FAM135B: variants seen among roughly 807,000 people sequenced by gnomAD.
The protein encoded by FAM135B is protein FAM135B.
In FAM135B, 43 loss-of-function variants were observed where a neutral mutation model predicts 127.7. That is an observed-to-expected ratio of 0.34 (90% CI 0.26 to 0.43). The LOEUF is 0.43. Among genes scored for constraint, FAM135B ranks in the 20% least tolerant of loss-of-function variants. FAM135B has a pLI of 1.00. For missense variants in FAM135B, 1,558 were observed against 1,725.6 expected (o/e 0.90, Z 1.72); for synonymous variants, 670 against 665.1 (o/e 1.01, Z -0.11).
chr8:138,204,777 GGATAAACACT>G (rs1465228261), intron 7 of FAM135B, among the ~76,000 whole-genome samples: 2 of 151,960 alleles, frequency 1.3e-5, no homozygotes, highest in Non-Finnish European at 2.9e-5. Context: ...ACTTTGCCTG[GGATAAACACT>G]GATAACTTTT....
chr8:138,266,629 A>G (rs906857057), intron 3 of FAM135B, among the ~76,000 whole-genome samples: 22 of 148,614 alleles, frequency 1.5e-4, no homozygotes, highest in African/African-American at 5.4e-4. Context: ...ATATATGTGT[A>G]TATATATACG....
At chr8:138,270,831 A>G (rs1020677528) in intron 3 of FAM135B, among the ~76,000 whole-genome samples, 1 of 152,210 alleles carries the variant, frequency 6.6e-6, no homozygotes, top group Non-Finnish European at 1.5e-5. Context: ...TTTGGAGGGG[A>G]CAAACGTTTA....
intron 1 of FAM135B, among the ~76,000 whole-genome samples, chr8:138,413,715 G>A (rs1374830733): frequency 6.6e-6 from 1 of 151,888 alleles, no homozygotes; most frequent in African/African-American, 2.4e-5. Context: ...TGTGTTGAAA[G>A]TTAGGGTGAC....
intron 1 of FAM135B, among the ~76,000 whole-genome samples, chr8:138,382,388 T>A (rs1831911943): frequency 6.6e-6 from 1 of 152,050 alleles, no homozygotes. Context: ...CCTCCAGGGG[T>A]GTGAACCTCA....
intron 11 of FAM135B, among the ~76,000 whole-genome samples, chr8:138,174,600 T>C (rs1469600782): frequency 6.6e-6 from 1 of 152,234 alleles, no homozygotes; most frequent in Non-Finnish European, 1.5e-5. Flanking sequence ...ATCTCGCTTA[T>C]CTTAGTCTAT....
chr8:138,228,209 A>T (rs2130164116), intron 7 of FAM135B, among the ~76,000 whole-genome samples: 1 of 152,248 alleles, frequency 6.6e-6, no homozygotes, highest in Non-Finnish European at 1.5e-5. Context: ...GACCATTCCA[A>T]GAGACCTCAG....
At chr8:138,353,832 C>T (rs1249401808) in intron 2 of FAM135B, among the ~76,000 whole-genome samples, 5 of 152,110 alleles carry the variant, frequency 3.3e-5, no homozygotes, top group Admixed American at 6.6e-5. Context: ...AGCTCAATTA[C>T]GGTTATGAGC....
At chr8:138,369,450 C>T (rs1830977190) in intron 1 of FAM135B, among the ~76,000 whole-genome samples, 1 of 152,218 alleles carries the variant, frequency 6.6e-6, no homozygotes, top group South Asian at 2.1e-4. Context: ...TGGGCCTTAA[C>T]TGCATCTCAG....
chr8:138,240,145 A>AAAAAG (rs527380855), intron 7 of FAM135B, among the ~76,000 whole-genome samples: 13 of 152,322 alleles, frequency 8.5e-5, no homozygotes, highest in Admixed American at 3.3e-4. Flanking sequence ...CTTAAAGTAT[A>AAAAAG]AAAAGAAAAG....
At chr8:138,423,174 A>G (rs1834623343) in intron 1 of FAM135B, among the ~76,000 whole-genome samples, 1 of 152,214 alleles carries the variant, frequency 6.6e-6, no homozygotes, top group Admixed American at 6.5e-5. Context: ...TACTATGCTC[A>G]GTATCTGAGT....
intron 7 of FAM135B, among the ~76,000 whole-genome samples, chr8:138,210,665 C>T (rs143064025): frequency 1.6e-4 from 25 of 152,204 alleles, no homozygotes; most frequent in Middle Eastern, 6.8e-3. Flanking sequence ...AGAAATCCAT[C>T]CCCATGATCC....
At chr8:138,159,962 A>G (rs1819196152) in intron 12 of FAM135B, among the ~76,000 whole-genome samples, 2 of 152,344 alleles carry the variant, frequency 1.3e-5, no homozygotes, top group Admixed American at 1.3e-4. Context: ...GGAAAGACCA[A>G]TCATGTGACT....
chr8:138,204,597 C>G (rs965765297), intron 7 of FAM135B, among the ~76,000 whole-genome samples: 2 of 152,140 alleles, frequency 1.3e-5, no homozygotes, highest in African/African-American at 4.8e-5. Flanking sequence ...GCCTCAGGGT[C>G]CAGCTTACCC....
chr8:138,470,301 A>AT (rs1238114230), intron 1 of FAM135B, among the ~76,000 whole-genome samples: 1 of 152,204 alleles, frequency 6.6e-6, no homozygotes, highest in Non-Finnish European at 1.5e-5. Flanking sequence ...CCAGGTGGGT[A>AT]TAAAAACCAT....
At position 138,233,807 on chromosome 8, in the gene FAM135B, T is replaced by A. The variant is rs371521099; in HGVS notation, c.669+9135A>T. Among the ~76,000 whole-genome samples the A allele has an allele frequency of 1.1e-4, 17 of 149,462 alleles. No homozygotes were observed. In the East Asian group the frequency reaches 2.5e-3, roughly 22 times the overall value. On this transcript the variant is annotated intron_variant, in intron 7 of 19. Transcript: ENST00000395297. ...ATATCCAAAATACATAAGGAACTCC[T>A]ACAATTCAACAACAACAACAACAAA... is the stretch of plus-strand genomic sequence containing the variant.
chr8:138,248,095 T>C (rs927353771), intron 6 of FAM135B, among the ~76,000 whole-genome samples: 1 of 152,160 alleles, frequency 6.6e-6, no homozygotes. Context: ...ACTGAATGAA[T>C]GGCCAAGGCT....
intron 9 of FAM135B, among the ~76,000 whole-genome samples, chr8:138,191,656 T>C (rs1308533787): frequency 6.6e-6 from 1 of 152,164 alleles, no homozygotes; most frequent in South Asian, 2.1e-4. Flanking sequence ...GGGAAATGTT[T>C]GTGAAATTAA....
At chr8:138,277,736 C>T (rs1823941663) in intron 3 of FAM135B, among the ~76,000 whole-genome samples, 1 of 152,116 alleles carries the variant, frequency 6.6e-6, no homozygotes, top group African/African-American at 2.4e-5. Flanking sequence ...CTTTCTCTGC[C>T]TGTCCCAGAG....
intron 7 of FAM135B, among the ~76,000 whole-genome samples, chr8:138,224,375 C>T (rs937177095): frequency 3.9e-5 from 6 of 152,164 alleles, no homozygotes; most frequent in African/African-American, 9.7e-5. Context: ...CATGCATGCA[C>T]ACATGCACAC....
Sources: allele counts gnomAD v4.1 joint callset (sites outside exome capture counted in the v4.1 genomes callset), GRCh38; gene constraint gnomAD v4.1.1; transcripts MANE v1.5; gene names NCBI Gene and HGNC (gene_info 2026-07-23, HGNC 2026-07-21).